Variants in AOPEP observed in about 807,000 individuals in gnomAD.
AOPEP encodes the protein aminopeptidase O (putative), also known as aminopeptidase O.
A neutral mutation model predicts 98.1 loss-of-function variants in AOPEP; 77 were observed. That is an observed-to-expected ratio of 0.78 (90% CI 0.65 to 0.95). The LOEUF is 0.95. Among genes scored for constraint, AOPEP ranks in the 40% least tolerant of loss-of-function variants. The probability of loss-of-function intolerance (pLI) is 0.00; values close to 1 mark genes in which losing one functional copy is unlikely to be tolerated. For missense variants in AOPEP, 1,024 were observed against 1,024.7 expected, an observed-to-expected ratio of 1.00 and a Z score of 0.01; for synonymous variants, 346 against 365.3, an observed-to-expected ratio of 0.95 and a Z score of 0.60.
rs991554533 is a variant in AOPEP at position 94,747,673 on chromosome 9, T to G, written c.-135-11976T>G. ...CATTAGATTGGCCAGTTTCTGCTGTTTAAAATGACATCAGCTTTCAAAGTT... is the reference window on the plus strand; with the variant it reads ...CATTAGATTGGCCAGTTTCTGCTGTGTAAAATGACATCAGCTTTCAAAGTT... On this transcript the variant is annotated intron_variant, in intron 1 of 16. Coordinates refer to ENST00000375315, the MANE Select transcript of AOPEP (RefSeq NM_001193329.3). Among the ~76,000 whole-genome samples, 5 of 152,228 alleles carry G rather than the reference T, an allele frequency of 3.3e-5. No individual in the cohort carries two copies. The East Asian group carries it at 9.6e-4, about 29-fold the overall frequency.
At chr9:95,003,686 G>A (rs575861003) in intron 11 of AOPEP, among the ~76,000 whole-genome samples, 2 of 152,122 alleles carry the variant, frequency 1.3e-5, no homozygotes, top group African/African-American at 4.8e-5. Flanking sequence ...TGTATATGAT[G>A]GCTGTACAGT....
chr9:94,986,171 G>A (rs67134693), intron 11 of AOPEP, among the ~76,000 whole-genome samples: 5,720 of 152,194 alleles, frequency 0.038, 159 homozygotes, highest in African/African-American at 0.066. Flanking sequence ...TCTCTCCTCG[G>A]CTTGTAGACG....
intron 5 of AOPEP, among the ~76,000 whole-genome samples, chr9:94,809,008 G>T (rs1275935539): frequency 1.3e-5 from 2 of 152,250 alleles, no homozygotes; most frequent in Admixed American, 1.3e-4. Context: ...TGAAAGCGCA[G>T]TTGGAAAGGG....
chr9:95,148,716 T>C, the AOPEP span, among the ~76,000 whole-genome samples: 10 of 152,224 alleles, frequency 6.6e-5, no homozygotes, highest in African/African-American at 2.4e-4. Context: ...GCTACAAAAT[T>C]ATGTGTGTTG....
At chr9:94,871,039 T>C (rs2046291719) in intron 5 of AOPEP, among the ~76,000 whole-genome samples, 1 of 152,224 alleles carries the variant, frequency 6.6e-6, no homozygotes, top group Admixed American at 6.5e-5. Flanking sequence ...TCCTCCACTC[T>C]TCCTAATGTG....
chr9:94,746,764 A>G (rs1050608161), intron 1 of AOPEP, among the ~76,000 whole-genome samples: 1 of 152,232 alleles, frequency 6.6e-6, no homozygotes, highest in Non-Finnish European at 1.5e-5. Flanking sequence ...AGCTGCCATC[A>G]GGGAAGCCAG....
At chr9:94,875,912 C>G (rs2046888941) in intron 5 of AOPEP, among the ~76,000 whole-genome samples, 1 of 152,114 alleles carries the variant, frequency 6.6e-6, no homozygotes, top group African/African-American at 2.4e-5. Flanking sequence ...TGAGACCATT[C>G]AACACTCAAT....
At chr9:94,732,004 C>T (rs1460158477) in intron 1 of AOPEP, among the ~76,000 whole-genome samples, 1 of 151,872 alleles carries the variant, frequency 6.6e-6, no homozygotes, top group African/African-American at 2.4e-5. Context: ...AGGCTGGTTT[C>T]GAACTCCTGA....
At chr9:94,832,872 G>A (rs1444949661) in intron 5 of AOPEP, among the ~76,000 whole-genome samples, 1 of 145,352 alleles carries the variant, frequency 6.9e-6, no homozygotes, top group South Asian at 2.2e-4. Context: ...GGGGGAAAAG[G>A]TCGGGGGTAC....
At chr9:95,076,451 G>C (rs2069078862) in intron 14 of AOPEP, among the ~76,000 whole-genome samples, 1 of 152,154 alleles carries the variant, frequency 6.6e-6, no homozygotes, top group Non-Finnish European at 1.5e-5. Flanking sequence ...CTATCTGTCA[G>C]GGTCTCGCTA....
At position 94,829,210 on chromosome 9, in the gene AOPEP, A is replaced by G. The variant is rs571467510; in HGVS notation, c.1364+28208A>G. ...TAAACCAGTTTACACACACACACAC[A>G]CACGCACACGCACACACACACATAA... On this transcript the variant is annotated intron_variant, in intron 5 of 16. Coordinates refer to ENST00000375315, the MANE Select transcript of AOPEP (RefSeq NM_001193329.3). Among the ~76,000 whole-genome samples, 6 of 152,092 alleles carry G rather than the reference A, an allele frequency of 3.9e-5. No homozygotes were observed. In the South Asian group the frequency reaches 8.3e-4, roughly 21 times the overall value.
chr9:94,836,112 G>A (rs1397562533), intron 5 of AOPEP, among the ~76,000 whole-genome samples: 6 of 152,046 alleles, frequency 3.9e-5, no homozygotes, highest in Non-Finnish European at 8.8e-5. Flanking sequence ...GTGTATACAC[G>A]TGTACAAGCA....
chr9:95,042,910 A>C lies in AOPEP; in HGVS notation c.2116-17784A>C, dbSNP rs187814321. ...CCTACAACCTCAGAGGATGTTGATA[A>C]TGTAAAGGGTAGTGAATTGGGGAGT... On this transcript the variant is annotated intron_variant, in intron 13 of 16. Coordinates refer to ENST00000375315, the MANE Select transcript of AOPEP (RefSeq NM_001193329.3). Among the ~76,000 whole-genome samples the C allele has an allele frequency of 2.7e-4, 41 of 152,266 alleles. No homozygotes were observed. The East Asian group carries it at 7.9e-3, about 29-fold the overall frequency.
intron 7 of AOPEP, among the ~76,000 whole-genome samples, chr9:94,954,912 G>A (rs1193085852): frequency 6.6e-6 from 1 of 152,118 alleles, no homozygotes; most frequent in Non-Finnish European, 1.5e-5. Flanking sequence ...TTATAGTAGA[G>A]CTTAGAACCC....
At chr9:94,768,403 C>T (rs1010868787) in intron 2 of AOPEP, among the ~76,000 whole-genome samples, 1 of 152,176 alleles carries the variant, frequency 6.6e-6, no homozygotes, top group African/African-American at 2.4e-5. Flanking sequence ...GTATAGCAGT[C>T]AACGGAAGAA....
chr9:95,045,157 C>T (rs1430118802), intron 13 of AOPEP, among the ~76,000 whole-genome samples: 1 of 152,248 alleles, frequency 6.6e-6, no homozygotes, highest in Non-Finnish European at 1.5e-5. Flanking sequence ...GTCCGGGTTA[C>T]TCTCCAGCCA....
intron 1 of AOPEP, 59 bp from the exon 2 acceptor site, chr9:94,759,590 G>A (rs1837820983): frequency 1.8e-6 from 1 of 556,382 alleles, no homozygotes; most frequent in African/African-American, 1.9e-5. Context: ...AGCAGCAGTT[G>A]CAGGAGCACT....
chr9:94,751,732 A>G (rs1424247690), intron 1 of AOPEP, among the ~76,000 whole-genome samples: 1 of 150,820 alleles, frequency 6.6e-6, no homozygotes, highest in Non-Finnish European at 1.5e-5. Flanking sequence ...AGAATACCCT[A>G]CATGAAAATT....
rs1305830132 is a variant in AOPEP, at chr9:95,005,701, G to C, written c.2115+85G>C. ...AGGACCTGGTCATGACAATAGAGTA[G>C]TGTTTAATTTAAAAAGTTTTTGTTA... is the stretch of plus-strand genomic sequence containing the variant. On this transcript the variant is annotated intron_variant, in intron 13 of 16. Transcript: ENST00000375315. 3 of 1,066,956 alleles carry C rather than the reference G, an allele frequency of 2.8e-6. No individual in the cohort carries two copies. The East Asian group carries it at 7.1e-5, about 25-fold the overall frequency. The allele number at this position is 1,066,956 out of a possible 1,614,324, so 66.1% of individuals were successfully genotyped here.
Sources: allele counts gnomAD v4.1 joint callset (sites outside exome capture counted in the v4.1 genomes callset), GRCh38; gene constraint gnomAD v4.1.1; transcripts MANE v1.5; gene names NCBI Gene and HGNC (gene_info 2026-07-23, HGNC 2026-07-21).